Variants in FRMPD4 observed in about 807,000 individuals in gnomAD.
FRMPD4 encodes FERM and PDZ domain containing 4, also known as FERM and PDZ domain-containing protein 4.
Under a neutral mutation model 94.1 loss-of-function variants are expected in FRMPD4, and 22 were observed. The observed-to-expected ratio is 0.23, with a 90% CI of 0.17 to 0.33. The LOEUF is 0.33. FRMPD4 is among the 10% of genes least tolerant of loss of function. FRMPD4 has a pLI of 1.00. For missense variants in FRMPD4, 1,111 were observed against 1,339.9 expected, an observed-to-expected ratio of 0.83 and a Z score of 2.67; for synonymous variants, 631 against 548.6, an observed-to-expected ratio of 1.15 and a Z score of -2.10.
At position 12,655,149 on chromosome X, in the gene FRMPD4, C is replaced by G. The variant is rs1028033308; in HGVS notation, c.423-19714C>G. Reference sequence around the variant, plus strand: ...AGTTTCCCCTAGTTTTCTACCCACTCAGGCACAGGGAAATACATTTGGGGA... The same window carrying G: ...AGTTTCCCCTAGTTTTCTACCCACTGAGGCACAGGGAAATACATTTGGGGA... On this transcript the variant is annotated intron_variant, in intron 4 of 16. Transcript: ENST00000675598. Among the ~76,000 whole-genome samples the G allele has an allele frequency of 3.6e-5, 4 of 112,452 alleles. No individual in the cohort carries two copies. In the East Asian group the frequency reaches 1.1e-3, roughly 31 times the overall value.
intron 6 of FRMPD4, among the ~76,000 whole-genome samples, chrX:12,685,782 T>A (rs1464783976): frequency 8.9e-6 from 1 of 112,216 alleles, no homozygotes; most frequent in Non-Finnish European, 1.9e-5. Context: ...GCTCAAGACG[T>A]CCTGCCCTGC....
At chrX:12,457,413 G>T (rs949681162) in intron 1 of FRMPD4, among the ~76,000 whole-genome samples, 2 of 111,803 alleles carry the variant, frequency 1.8e-5, no homozygotes, top group African/African-American at 6.5e-5. Flanking sequence ...TGAGAAGAGT[G>T]CTCTGTTCAG....
Position 12,305,730 on chromosome X carries a change from T to TTTTTGTTTTTTG in FRMPD4, c.41+166722_41+166723insGTTTTTTGTTTT, listed in dbSNP as rs1279734758. 4.0e-3 allele frequency among the ~76,000 whole-genome samples: 371 copies of TTTTTGTTTTTTG among 93,419 alleles called. 9 individuals carry two copies. The highest frequency in any genetic ancestry group is 0.014 in the African/African-American group (351 of 24,933). The allele number at this position is 93,419 out of a possible 115,157, so 81.1% of individuals were successfully genotyped here. A position where few individuals can be genotyped will look rare whatever the true frequency, so the allele number is the denominator to read the frequency against. The stretch of plus-strand genomic sequence containing the variant: ...GTACCACCACAGCTGGCTAAGTTTT[T>TTTTTGTTTTTTG]TTTTTTTTTTTTTTTTTACAGAGAC... On this transcript the variant is annotated intron_variant, in intron 1 of 16. Transcript: ENST00000675598.
At chrX:12,106,665 G>A (rs1407923255) in intron 3 of FRMPD4, among the ~76,000 whole-genome samples, 1 of 111,686 alleles carries the variant, frequency 9.0e-6, no homozygotes, top group Non-Finnish European at 1.9e-5. Flanking sequence ...AAGGGAAGCA[G>A]TGACAGAAGG....
At chrX:12,155,168 G>A (rs1250161851) in intron 1 of FRMPD4, among the ~76,000 whole-genome samples, 2 of 111,820 alleles carry the variant, frequency 1.8e-5, no homozygotes, top group Non-Finnish European at 3.8e-5. Flanking sequence ...GAAGGGAAGA[G>A]GAGTTGAGAA....
intron 14 of FRMPD4, among the ~76,000 whole-genome samples, chrX:12,711,277 A>C (rs2041982097): frequency 9.0e-6 from 1 of 111,647 alleles, no homozygotes; most frequent in Non-Finnish European, 1.9e-5. Context: ...CCCTGTAGTC[A>C]GACTTATGCC....
intron 2 of FRMPD4, among the ~76,000 whole-genome samples, chrX:12,608,923 G>T (rs2059154755): frequency 8.9e-6 from 1 of 111,916 alleles, no homozygotes; most frequent in South Asian, 3.8e-4. Context: ...CCCACATGCA[G>T]TCAAAAATCC....
chrX:11,975,679 G>A lies in FRMPD4; in HGVS notation c.95+97661G>A, dbSNP rs1015691312. ...AGAATGAGGACAGGTGTAATTCTTC[G>A]TTAAAAATATAAATGATAGAGGGGA... On this transcript the variant is annotated intron_variant, in intron 3 of 18. Coordinates refer to the FRMPD4 transcript ENST00000640291. Among the ~76,000 whole-genome samples the A allele has an allele frequency of 4.5e-5, 5 of 111,220 alleles. No homozygotes were observed. In the East Asian group the frequency reaches 8.4e-4, roughly 19 times the overall value.
intron 6 of FRMPD4, among the ~76,000 whole-genome samples, 193 bp downstream of exon 6, chrX:12,683,780 C>T (rs1395975233): frequency 8.9e-6 from 1 of 112,206 alleles, no homozygotes; most frequent in African/African-American, 3.2e-5. Flanking sequence ...TCCTCTAGCA[C>T]GGTCAGAATA....
At chrX:11,932,867 C>T (rs762403975) in intron 3 of FRMPD4, among the ~76,000 whole-genome samples, 1 of 110,674 alleles carries the variant, frequency 9.0e-6, no homozygotes, top group Admixed American at 9.7e-5. Flanking sequence ...TGGCCTGTCG[C>T]GACAACCCTT....
chrX:12,479,383 C>CAT (rs376474558), intron 1 of FRMPD4, among the ~76,000 whole-genome samples: 2 of 14,923 alleles, frequency 1.3e-4, no homozygotes, highest in African/African-American at 3.5e-4. Flanking sequence ...CATATATACA[C>CAT]ATATATATAT....
chrX:12,099,622 T>G (rs1298357733), intron 3 of FRMPD4, among the ~76,000 whole-genome samples: 1 of 112,559 alleles, frequency 8.9e-6, no homozygotes, highest in Non-Finnish European at 1.9e-5. Flanking sequence ...AATTTTATAA[T>G]GAGCATGGGC....
intron 2 of FRMPD4, among the ~76,000 whole-genome samples, chrX:12,593,627 C>G (rs1288145647): frequency 9.0e-6 from 1 of 111,618 alleles, no homozygotes; most frequent in Non-Finnish European, 1.9e-5. Context: ...TGTTTTGATA[C>G]TTTGTCTTTT....
chrX:12,292,116 G>A (rs2054699591), intron 1 of FRMPD4, among the ~76,000 whole-genome samples: 1 of 111,416 alleles, frequency 9.0e-6, no homozygotes, highest in Non-Finnish European at 1.9e-5. Flanking sequence ...GGGAACCATG[G>A]GGAGTCTCAG....
Position 12,689,730 on chromosome X carries a change from G to A in FRMPD4, c.682-465G>A, listed in dbSNP as rs185914279. ...TAGATAAACAAATGGGTATGACCAC[G>A]TCCCATTAAAACTTTATTTACAAAA... On this transcript the variant is annotated intron_variant, in intron 7 of 16. Coordinates refer to ENST00000675598, the MANE Select transcript of FRMPD4 (RefSeq NM_001368397.1). 1.6e-3 allele frequency among the ~76,000 whole-genome samples: 184 copies of A among 112,719 alleles called. 2 individuals carry two copies. The highest frequency in any genetic ancestry group is 4.9e-3 in the African/African-American group (152 of 31,102).
chrX:11,987,878 C>T (rs1191850299), intron 3 of FRMPD4, among the ~76,000 whole-genome samples: 1 of 110,520 alleles, frequency 9.0e-6, no homozygotes, highest in Non-Finnish European at 1.9e-5. Flanking sequence ...TTAACTTAAC[C>T]AAAGAAGTGA....
intron 4 of FRMPD4, among the ~76,000 whole-genome samples, chrX:12,663,184 T>C (rs2059736723): frequency 8.9e-6 from 1 of 112,323 alleles, no homozygotes; most frequent in South Asian, 3.7e-4. Context: ...TTTCTTTTGC[T>C]GTGCAGAAGC....
chrX:12,453,007 A>G (rs935793642), intron 1 of FRMPD4, among the ~76,000 whole-genome samples: 3 of 112,300 alleles, frequency 2.7e-5, no homozygotes, highest in East Asian at 5.6e-4. Context: ...ATGTCCAAAA[A>G]GTGTAATTAT....
chrX:12,719,336 G>T (rs999288985), intron 16 of FRMPD4, among the ~76,000 whole-genome samples: 2 of 112,247 alleles, frequency 1.8e-5, no homozygotes, highest in Non-Finnish European at 3.8e-5. Context: ...GTGTCAGGAA[G>T]ATTTTGAGGC....
Sources: gnomAD v4.1 joint callset for allele counts (sites outside exome capture counted in the v4.1 genomes callset) on GRCh38, gnomAD v4.1.1 for gene constraint, MANE v1.5 for transcripts, NCBI Gene and HGNC (gene_info 2026-07-23, HGNC 2026-07-21) for gene names.